CELF4: variants seen among roughly 807,000 people sequenced by gnomAD.
The protein encoded by CELF4 is CUG-BP- and ETR-3-like factor 4.
CELF4 carries 18 observed loss-of-function variants against 59.9 expected under a neutral mutation model. That is an observed-to-expected ratio of 0.30 (90% CI 0.21 to 0.45). The LOEUF (loss-of-function observed/expected upper bound fraction) is 0.45. Ranked by LOEUF, CELF4 falls within the 20% of genes least tolerant of loss-of-function variation. The probability of loss-of-function intolerance (pLI) is 1.00; values close to 1 mark genes in which losing one functional copy is unlikely to be tolerated. For synonymous variants in CELF4, 261 were observed against 267.1 expected (o/e 0.98, Z 0.22); for missense variants, 456 against 689.0 (o/e 0.66, Z 3.79).
chr18:37,504,183 A>T (rs755523172), intron 1 of CELF4, among the ~76,000 whole-genome samples: 3 of 152,126 alleles, frequency 2.0e-5, no homozygotes, highest in Non-Finnish European at 4.4e-5. Context: ...TTCCATTCAG[A>T]TGGTATGGTT....
chr18:37,451,190 G>A (rs1321843892), intron 2 of CELF4, among the ~76,000 whole-genome samples: 2 of 152,218 alleles, frequency 1.3e-5, no homozygotes, highest in Non-Finnish European at 2.9e-5. Flanking sequence ...TGGCTCCCTT[G>A]GGAGGAGGAG....
chr18:37,346,771 G>A (rs921421506), intron 2 of CELF4, among the ~76,000 whole-genome samples: 2 of 152,126 alleles, frequency 1.3e-5, no homozygotes, highest in Non-Finnish European at 1.5e-5. Flanking sequence ...CTGGGGGATT[G>A]GCAGAGCCTG....
At chr18:37,524,976 C>T (rs2099962083) in intron 1 of CELF4, among the ~76,000 whole-genome samples, 1 of 152,256 alleles carries the variant, frequency 6.6e-6, no homozygotes, top group Non-Finnish European at 1.5e-5. Flanking sequence ...GCGTCTCGCC[C>T]TCGGCCCTCC....
rs745513845 is a variant in CELF4, at chr18:37,565,445, T to C, written c.197A>G (p.Asp66Gly). 6.2e-7 allele frequency: 1 copy of C among 1,614,006 alleles called. No individual in the cohort carries two copies. The highest frequency in any genetic ancestry group is 1.3e-5 in the African/African-American group (1 of 75,022). Residue 66 changes from aspartate to glycine, a missense_variant, in exon 1 of 13, where the codon GAT (aspartate) becomes GGT (glycine). Asp to Gly is a moderately conservative substitution (Grantham distance 94, BLOSUM62 -1). Transcript: ENST00000420428. ...GAAGAGGGGCTTGAGGTCCTTCTCA[T>C]CCAGGTTGCGGGGGATCTGCCCAAT... Reference protein sequence around the residue: ...LFIGQIPRNLDEKDLKPLFEE... With the variant: ...LFIGQIPRNLGEKDLKPLFEE...
intron 2 of CELF4, among the ~76,000 whole-genome samples, chr18:37,356,977 G>C (rs2098599755): frequency 6.6e-6 from 1 of 152,106 alleles, no homozygotes; most frequent in Non-Finnish European, 1.5e-5. Flanking sequence ...AGGATCCCAG[G>C]CCCAAGCTGC....
chr18:37,551,598 C>A (rs940292098), intron 1 of CELF4, among the ~76,000 whole-genome samples: 32 of 152,284 alleles, frequency 2.1e-4, no homozygotes, highest in Admixed American at 5.2e-4. Context: ...AAGATTCCAG[C>A]CCCTGGAATC....
intron 1 of CELF4, among the ~76,000 whole-genome samples, chr18:37,542,267 A>C (rs2099978358): frequency 6.6e-6 from 1 of 152,272 alleles, no homozygotes; most frequent in African/African-American, 2.4e-5. Context: ...ACTTAAACAA[A>C]CAATTCACTT....
At chr18:37,541,484 GC>G (rs1353909779) in intron 1 of CELF4, among the ~76,000 whole-genome samples, 5 of 152,066 alleles carry the variant, frequency 3.3e-5, no homozygotes, top group Non-Finnish European at 7.4e-5. Flanking sequence ...TCCTCTGGCT[GC>G]CCCCCTCCGT....
chr18:37,294,596 T>C (rs2095534281), intron 3 of CELF4, among the ~76,000 whole-genome samples: 1 of 152,234 alleles, frequency 6.6e-6, no homozygotes, highest in Non-Finnish European at 1.5e-5. Context: ...GAATTTATTC[T>C]AGAACTTAGC....
At chr18:37,290,797 G>A (rs1304573485) in intron 3 of CELF4, among the ~76,000 whole-genome samples, 3 of 152,174 alleles carry the variant, frequency 2.0e-5, no homozygotes, top group African/African-American at 7.2e-5. Flanking sequence ...TTGCCTGGAG[G>A]CCTAGACTGA....
At chr18:37,360,822 C>T (rs1170659318) in intron 2 of CELF4, among the ~76,000 whole-genome samples, 1 of 152,218 alleles carries the variant, frequency 6.6e-6, no homozygotes, top group Non-Finnish European at 1.5e-5. Flanking sequence ...ACGCCCATTA[C>T]TGAATCTCAG....
chr18:37,512,315 A>G (rs766159674), intron 1 of CELF4, among the ~76,000 whole-genome samples: 1 of 152,194 alleles, frequency 6.6e-6, no homozygotes, highest in Non-Finnish European at 1.5e-5. Context: ...ACCCTCCAAG[A>G]TGAGTTCCGT....
At chr18:37,395,515 T>C (rs983616760) in intron 2 of CELF4, among the ~76,000 whole-genome samples, 2 of 152,222 alleles carry the variant, frequency 1.3e-5, no homozygotes, top group Non-Finnish European at 2.9e-5. Context: ...GTGTCCACTA[T>C]AGCAGTTTGT....
chr18:37,365,732 C>T (rs937081369), intron 2 of CELF4, among the ~76,000 whole-genome samples: 14 of 152,060 alleles, frequency 9.2e-5, no homozygotes, highest in African/African-American at 2.2e-4. Flanking sequence ...GTGATCCGCC[C>T]GCCTTGGCCT....
chr18:37,306,557 A>T (rs1197976313), intron 3 of CELF4, among the ~76,000 whole-genome samples: 1 of 152,230 alleles, frequency 6.6e-6, no homozygotes, highest in African/African-American at 2.4e-5. Flanking sequence ...TCTGCTTGGC[A>T]GAGCCGGGTG....
intron 1 of CELF4, among the ~76,000 whole-genome samples, chr18:37,547,160 G>GGTGTGTGTGTGT (rs59169669): frequency 0.024 from 3,488 of 144,212 alleles, 65 homozygotes; most frequent in South Asian, 0.041. Flanking sequence ...GTGTGTGTGT[G>GGTGTGTGTGTGT]GTGTGTGTGT....
chr18:37,398,242 T>C (rs2099270379), intron 2 of CELF4, among the ~76,000 whole-genome samples: 1 of 152,094 alleles, frequency 6.6e-6, no homozygotes. Context: ...TTCTCTAAAG[T>C]TCTGGAGTTT....
At chr18:37,301,462 C>T (rs2096030068) in intron 3 of CELF4, among the ~76,000 whole-genome samples, 1 of 152,170 alleles carries the variant, frequency 6.6e-6, no homozygotes, top group South Asian at 2.1e-4. Context: ...AAGTAGCCCT[C>T]CCCCAGCAGG....
At chr18:37,434,320 C>T (rs1033400348) in intron 2 of CELF4, among the ~76,000 whole-genome samples, 4 of 152,136 alleles carry the variant, frequency 2.6e-5, no homozygotes, top group Non-Finnish European at 2.9e-5. Flanking sequence ...TGGAAAGCCC[C>T]GGAGGCTGGT....
Sources: allele counts gnomAD v4.1 joint callset (sites outside exome capture counted in the v4.1 genomes callset), GRCh38; gene constraint gnomAD v4.1.1; transcripts MANE v1.5; gene names NCBI Gene and HGNC (gene_info 2026-07-23, HGNC 2026-07-21).